The following ERC2 variants were observed in gnomAD, a reference collection of about 807,000 sequenced individuals.
The protein encoded by ERC2 is ERC protein 2.
Under a neutral mutation model 114.8 loss-of-function variants are expected in ERC2, and 42 were observed. That is an observed-to-expected ratio of 0.37 (90% CI 0.29 to 0.47). The LOEUF (loss-of-function observed/expected upper bound fraction) is 0.47, where lower values mean the gene tolerates loss of function less well. ERC2 is among the 20% of genes least tolerant of loss of function. The pLI, the probability that ERC2 is intolerant of heterozygous loss-of-function variation, is 0.99. For missense variants in ERC2, 939 were observed against 1,150.7 expected, an observed-to-expected ratio of 0.82 and a Z score of 2.66; for synonymous variants, 454 against 425.5, an observed-to-expected ratio of 1.07 and a Z score of -0.82.
chr3:56,250,739 C>G lies in ERC2; in HGVS notation c.1074+45280G>C, dbSNP rs541820300. ...GTAAACATCCGTCAGTTGAACAAAC[C>G]TGAAGCATGACTATACCTAAGTAAA... On this transcript the variant is annotated intron_variant, in intron 3 of 17. Transcript: ENST00000288221. Among the ~76,000 whole-genome samples the G allele has an allele frequency of 1.4e-4, 21 of 152,264 alleles. No homozygotes were observed. The East Asian group carries it at 3.7e-3, about 27-fold the overall frequency.
chr3:55,706,491 G>T (rs1455333881), intron 15 of ERC2, among the ~76,000 whole-genome samples: 2 of 152,050 alleles, frequency 1.3e-5, no homozygotes, highest in African/African-American at 4.8e-5. Flanking sequence ...CTACTTCCCG[G>T]GTTCAAGTGA....
intron 7 of ERC2, among the ~76,000 whole-genome samples, chr3:56,039,292 C>A (rs1285720945): frequency 2.0e-5 from 3 of 152,112 alleles, no homozygotes; most frequent in Non-Finnish European, 4.4e-5. Context: ...ATAAACAAAT[C>A]CAGTAATGTT....
At chr3:55,592,581 A>G (rs1044985906) in intron 17 of ERC2, among the ~76,000 whole-genome samples, 2 of 152,180 alleles carry the variant, frequency 1.3e-5, no homozygotes, top group African/African-American at 4.8e-5. Flanking sequence ...CCTGTTTTTC[A>G]TCTCTCTTTG....
chr3:55,562,612 A>G (rs959960930), intron 17 of ERC2, among the ~76,000 whole-genome samples: 1 of 151,914 alleles, frequency 6.6e-6, no homozygotes, highest in South Asian at 2.1e-4. Flanking sequence ...AAAGAAAACA[A>G]CCTCCCAGGT....
At chr3:55,942,448 C>T (rs1448136509) in intron 13 of ERC2, among the ~76,000 whole-genome samples, 3 of 149,192 alleles carry the variant, frequency 2.0e-5, no homozygotes, top group Non-Finnish European at 4.5e-5. Flanking sequence ...GCCACTACGC[C>T]CGGCTAATTT....
At chr3:56,012,192 A>G (rs1184028450) in intron 8 of ERC2, among the ~76,000 whole-genome samples, 1 of 152,136 alleles carries the variant, frequency 6.6e-6, no homozygotes, top group Non-Finnish European at 1.5e-5. Flanking sequence ...AGGGTTTTTA[A>G]TGATTTCAGC....
chr3:56,093,415 C>G (rs1298057297), intron 6 of ERC2, among the ~76,000 whole-genome samples: 1 of 152,118 alleles, frequency 6.6e-6, no homozygotes, highest in East Asian at 1.9e-4. Context: ...TACATTCCCT[C>G]CAAGTCTCAA....
chr3:56,045,988 C>A (rs1341394468), intron 7 of ERC2, among the ~76,000 whole-genome samples: 2 of 152,118 alleles, frequency 1.3e-5, no homozygotes, highest in African/African-American at 4.8e-5. Context: ...CGAGAATCAT[C>A]TGAATACCTG....
chr3:55,847,947 C>A (rs939685741), intron 14 of ERC2, among the ~76,000 whole-genome samples: 3 of 152,032 alleles, frequency 2.0e-5, no homozygotes, highest in African/African-American at 7.2e-5. Context: ...CACAGATGTG[C>A]CACCACGCCT....
intron 2 of ERC2, among the ~76,000 whole-genome samples, chr3:56,394,624 T>A (rs576361778): frequency 6.6e-6 from 1 of 152,266 alleles, no homozygotes; most frequent in East Asian, 1.9e-4. Context: ...ATGTTCAACA[T>A]CATCAGCTAT....
chr3:56,177,847 C>T (rs1017832673), intron 3 of ERC2, among the ~76,000 whole-genome samples: 1 of 152,148 alleles, frequency 6.6e-6, no homozygotes, highest in African/African-American at 2.4e-5. Context: ...AAACAGCTGA[C>T]ACTGAAATGA....
chr3:56,285,068 C>T (rs575375449), intron 3 of ERC2, among the ~76,000 whole-genome samples: 230 of 147,276 alleles, frequency 1.6e-3, no homozygotes, highest in Admixed American at 2.9e-3. Flanking sequence ...CACACACACA[C>T]TCTTATGTTT....
In ERC2 at chr3:56,424,600, C is replaced by T. The variant is rs564465810; in HGVS notation, c.657+9751G>A. Among the ~76,000 whole-genome samples, 6 of 152,354 alleles carry T rather than the reference C, an allele frequency of 3.9e-5. No individual in the cohort carries two copies. In the East Asian group the frequency reaches 1.2e-3, roughly 29 times the overall value. ...AGCAAACAAAGAAACCAGCTCTTGG[C>T]TCTGTGCCATCTCATCTATCTTCAA... is the stretch of plus-strand genomic sequence containing the variant. On this transcript the variant is annotated intron_variant, in intron 2 of 17. Transcript: ENST00000288221.
At chr3:56,261,277 C>T (rs1264830720) in intron 3 of ERC2, among the ~76,000 whole-genome samples, 1 of 152,178 alleles carries the variant, frequency 6.6e-6, no homozygotes, top group Non-Finnish European at 1.5e-5. Context: ...CTCTTAAACA[C>T]TCCAGAACAT....
chr3:55,799,452 T>C (rs1559674665), intron 14 of ERC2, among the ~76,000 whole-genome samples: 1 of 114,334 alleles, frequency 8.7e-6, no homozygotes, highest in African/African-American at 5.2e-5. Context: ...TATATATGCA[T>C]ATATATATAT....
chr3:56,386,436 C>T (rs2059936527), intron 2 of ERC2, among the ~76,000 whole-genome samples: 1 of 152,112 alleles, frequency 6.6e-6, no homozygotes, highest in South Asian at 2.1e-4. Flanking sequence ...ATGGAATTAT[C>T]CCCAAAGCTT....
intron 15 of ERC2, among the ~76,000 whole-genome samples, chr3:55,700,776 C>G (rs1410597090): frequency 6.6e-6 from 1 of 152,134 alleles, no homozygotes; most frequent in East Asian, 1.9e-4. Context: ...GGCTCTATAA[C>G]CACAGATTTA....
At chr3:55,696,839 C>T (rs1237297307) in intron 16 of ERC2, among the ~76,000 whole-genome samples, 3 of 152,180 alleles carry the variant, frequency 2.0e-5, no homozygotes, top group Non-Finnish European at 4.4e-5. Flanking sequence ...TGGTGCCAAC[C>T]TACTCTCACA....
At chr3:55,666,972 A>G (rs1380343181) in intron 17 of ERC2, among the ~76,000 whole-genome samples, 1 of 152,204 alleles carries the variant, frequency 6.6e-6, no homozygotes, top group Non-Finnish European at 1.5e-5. Context: ...AATAGCACAT[A>G]CCAATATCTT....
Sources: allele counts gnomAD v4.1 joint callset (sites outside exome capture counted in the v4.1 genomes callset), GRCh38; gene constraint gnomAD v4.1.1; transcripts MANE v1.5; gene names NCBI Gene and HGNC (gene_info 2026-07-23, HGNC 2026-07-21).